CNTN5: variants seen among roughly 807,000 people sequenced by gnomAD.
CNTN5 encodes contactin-5.
A neutral mutation model predicts 129.1 loss-of-function variants in CNTN5; 77 were observed. The ratio of observed to expected loss-of-function variants is 0.60; its 90% confidence interval spans 0.50 to 0.72. The LOEUF is 0.72. CNTN5 is among the 30% of genes least tolerant of loss of function. The pLI is 0.00. For synonymous variants in CNTN5, 509 were observed against 465.6 expected (o/e 1.09, Z -1.20); for missense variants, 1,478 against 1,328.8 (o/e 1.11, Z -1.75).
At chr11:99,709,534 A>C (rs1044744541) in intron 3 of CNTN5, among the ~76,000 whole-genome samples, 6 of 151,968 alleles carry the variant, frequency 3.9e-5, no homozygotes, top group African/African-American at 1.4e-4. Context: ...GCATATATAC[A>C]TATGTGCATA....
chr11:99,543,544 G>C (rs573595173), intron 2 of CNTN5, among the ~76,000 whole-genome samples: 2 of 152,234 alleles, frequency 1.3e-5, no homozygotes, highest in Non-Finnish European at 2.9e-5. Flanking sequence ...GATTGTGTGA[G>C]TCAATCACAA....
chr11:100,032,751 A>C (rs1941784638), intron 9 of CNTN5, among the ~76,000 whole-genome samples: 1 of 152,014 alleles, frequency 6.6e-6, no homozygotes, highest in East Asian at 1.9e-4. Flanking sequence ...CTTTGCCAAA[A>C]AGGAATTTTG....
chr11:100,356,957 A>G lies in CNTN5; in HGVS notation c.*737A>G, dbSNP rs1055582056. 1 of 151,752 alleles carries G rather than the reference A, an allele frequency of 6.6e-6. No homozygotes were observed. The highest frequency in any genetic ancestry group is 2.4e-5 in the African/African-American group (1 of 41,392). The allele number at this position is 151,752 out of a possible 1,614,324, so 9.4% of individuals were successfully genotyped here. On this transcript the variant is annotated 3_prime_UTR_variant, in exon 25 of 25. Transcript: ENST00000524871. Reference sequence around the variant, plus strand: ...TTATCTAGCAGCAAATATAATAAATATTTATTTTTAATAACAAAAGATGGT... The same window carrying G: ...TTATCTAGCAGCAAATATAATAAATGTTTATTTTTAATAACAAAAGATGGT...
At chr11:99,781,667 G>T (rs1024998084) in intron 3 of CNTN5, among the ~76,000 whole-genome samples, 3 of 152,002 alleles carry the variant, frequency 2.0e-5, no homozygotes, top group Non-Finnish European at 4.4e-5. Context: ...ACAATTATGG[G>T]TTTCAATTCG....
At chr11:99,769,320 A>G (rs183106807) in intron 3 of CNTN5, among the ~76,000 whole-genome samples, 30 of 152,280 alleles carry the variant, frequency 2.0e-4, no homozygotes, top group African/African-American at 7.0e-4. Context: ...AGTAAGAAAG[A>G]TACCAAGATC....
At chr11:99,999,636 A>G (rs1939720555) in intron 8 of CNTN5, among the ~76,000 whole-genome samples, 1 of 152,170 alleles carries the variant, frequency 6.6e-6, no homozygotes, top group African/African-American at 2.4e-5. Flanking sequence ...ATACCATTTG[A>G]CCCAGCCATC....
intron 3 of CNTN5, among the ~76,000 whole-genome samples, chr11:99,726,925 G>A (rs1344176205): frequency 6.6e-6 from 1 of 151,970 alleles, no homozygotes; most frequent in Non-Finnish European, 1.5e-5. Flanking sequence ...ACACCGACTT[G>A]AAAAAAATTT....
At position 99,134,595 on chromosome 11, in the gene CNTN5, T is replaced by C. The variant is rs190581276; in HGVS notation, c.-210+113325T>C. 3.7e-4 allele frequency among the ~76,000 whole-genome samples: 56 copies of C among 152,310 alleles called. 1 individual carries two copies. The highest frequency in any genetic ancestry group is 1.6e-4 in the Non-Finnish European group (11 of 68,016). ...AATTTGGCACTGTGGATCAAGTACCTAAGCATCATCATGATAAGCTCATGC... is the reference window on the plus strand; with the variant it reads ...AATTTGGCACTGTGGATCAAGTACCCAAGCATCATCATGATAAGCTCATGC... On this transcript the variant is annotated intron_variant, in intron 1 of 24. Coordinates refer to ENST00000524871, the MANE Select transcript of CNTN5 (RefSeq NM_014361.4).
At chr11:100,267,267 A>ACACACACACACG (rs1332823675) in intron 17 of CNTN5, among the ~76,000 whole-genome samples, 1 of 137,518 alleles carries the variant, frequency 7.3e-6, no homozygotes, top group African/African-American at 3.0e-5. Context: ...ACACACACAC[A>ACACACACACACG]CACACACACA....
intron 13 of CNTN5, among the ~76,000 whole-genome samples, chr11:100,156,434 G>A (rs969399580): frequency 2.0e-5 from 3 of 152,178 alleles, no homozygotes; most frequent in Admixed American, 6.6e-5. Context: ...TCACATCGAC[G>A]TTCATCAGGG....
chr11:99,680,044 G>A (rs958257303), intron 3 of CNTN5, among the ~76,000 whole-genome samples: 8 of 152,170 alleles, frequency 5.3e-5, no homozygotes, highest in African/African-American at 1.9e-4. Context: ...AGATGAGGAA[G>A]ATGAAGCTTA....
chr11:99,645,595 A>C (rs1951929502), intron 3 of CNTN5, among the ~76,000 whole-genome samples: 1 of 152,114 alleles, frequency 6.6e-6, no homozygotes, highest in African/African-American at 2.4e-5. Flanking sequence ...GTGGTAATAT[A>C]CACCATGGAA....
intron 6 of CNTN5, among the ~76,000 whole-genome samples, chr11:99,906,570 A>G (rs1226360196): frequency 6.6e-6 from 1 of 152,072 alleles, no homozygotes; most frequent in Non-Finnish European, 1.5e-5. Context: ...GAGGATTTCC[A>G]CATTGATGTT....
chr11:99,058,571 G>C (rs1252237251), intron 1 of CNTN5, among the ~76,000 whole-genome samples: 1 of 151,950 alleles, frequency 6.6e-6, no homozygotes, highest in Non-Finnish European at 1.5e-5. Context: ...TAATTTCAGA[G>C]ATCTTTGCTT....
intron 6 of CNTN5, among the ~76,000 whole-genome samples, chr11:99,893,739 A>G (rs991063173): frequency 1.3e-4 from 20 of 152,220 alleles, no homozygotes; most frequent in African/African-American, 4.8e-4. Context: ...AATTAGCACC[A>G]TTCTATCCAT....
At chr11:99,990,104 T>G (rs896187016) in intron 8 of CNTN5, among the ~76,000 whole-genome samples, 4 of 152,132 alleles carry the variant, frequency 2.6e-5, no homozygotes, top group African/African-American at 9.7e-5. Context: ...CTTTCATGTT[T>G]GGTAAATATA....
chr11:100,047,816 G>C (rs1263554176), intron 9 of CNTN5, among the ~76,000 whole-genome samples: 8 of 147,748 alleles, frequency 5.4e-5, no homozygotes. Flanking sequence ...CTAATCCATT[G>C]AGGACACAGA....
intron 3 of CNTN5, chr11:99,558,213 C>T (rs1230712156): frequency 5.9e-6 from 2 of 341,468 alleles, no homozygotes; most frequent in African/African-American, 2.2e-5. Context: ...TTTTGTGCAG[C>T]ATTACTGTCT....
intron 15 of CNTN5, among the ~76,000 whole-genome samples, chr11:100,208,172 T>C (rs1948953525): frequency 6.6e-6 from 1 of 152,190 alleles, no homozygotes; most frequent in African/African-American, 2.4e-5. Flanking sequence ...GAGGTAAGAA[T>C]TAAATATGGT....
Sources: allele counts gnomAD v4.1 joint callset (sites outside exome capture counted in the v4.1 genomes callset), GRCh38; gene constraint gnomAD v4.1.1; transcripts MANE v1.5; gene names NCBI Gene and HGNC (gene_info 2026-07-23, HGNC 2026-07-21).